CSGALNACT1: variants seen among roughly 807,000 people sequenced by gnomAD.
The protein encoded by CSGALNACT1 is chondroitin sulfate N-acetylgalactosaminyltransferase 1.
In CSGALNACT1, 52 loss-of-function variants were observed where a neutral mutation model predicts 51.0. That is an observed-to-expected ratio of 1.02 (90% CI 0.82 to 1.29). The LOEUF (loss-of-function observed/expected upper bound fraction) is 1.29, where lower values mean the gene tolerates loss of function less well. CSGALNACT1 is among the 50% of genes most tolerant of loss of function. The pLI is 0.00. For synonymous variants in CSGALNACT1, 341 were observed against 254.4 expected (o/e 1.34, Z -3.24); for missense variants, 935 against 679.2 (o/e 1.38, Z -4.19).
intron 1 of CSGALNACT1, among the ~76,000 whole-genome samples, chr8:19,612,946 GAA>G (rs1165754811): frequency 5.9e-3 from 91 of 15,378 alleles, no homozygotes; most frequent in Non-Finnish European, 0.01. Context: ...AAAGCAGCTG[GAA>G]AAAAAAAAAA....
intron 3 of CSGALNACT1, among the ~76,000 whole-genome samples, chr8:19,538,922 T>C (rs188732727): frequency 6.6e-6 from 1 of 152,190 alleles, no homozygotes; most frequent in East Asian, 1.9e-4. Context: ...CCGCTCATCC[T>C]GAGATGTTGT....
At chr8:19,531,043 G>A (rs755624332) in intron 3 of CSGALNACT1, among the ~76,000 whole-genome samples, 18 of 152,132 alleles carry the variant, frequency 1.2e-4, no homozygotes, top group African/African-American at 2.2e-4. Flanking sequence ...ATCTGAACCC[G>A]TGGTTTCTTG....
At chr8:19,548,051 C>T (rs1456582582) in intron 3 of CSGALNACT1, among the ~76,000 whole-genome samples, 1 of 152,158 alleles carries the variant, frequency 6.6e-6, no homozygotes, top group Admixed American at 6.5e-5. Context: ...GGTTGAAAGT[C>T]TGGAAATGTC....
At chr8:19,534,471 A>G (rs956229945) in intron 3 of CSGALNACT1, among the ~76,000 whole-genome samples, 2 of 152,108 alleles carry the variant, frequency 1.3e-5, no homozygotes, top group South Asian at 2.1e-4. Flanking sequence ...AAATCTGTGT[A>G]AGAGTACTTA....
intron 3 of CSGALNACT1, among the ~76,000 whole-genome samples, chr8:19,571,480 A>AAAAC (rs2043019793): frequency 6.6e-6 from 1 of 152,074 alleles, no homozygotes; most frequent in African/African-American, 2.4e-5. Flanking sequence ...AAACAAAAAA[A>AAAAC]AAAAACAGAA....
chr8:19,486,970 T>C (rs986811111), intron 4 of CSGALNACT1, among the ~76,000 whole-genome samples: 2 of 152,218 alleles, frequency 1.3e-5, no homozygotes, highest in South Asian at 4.1e-4. Context: ...TGTCAATGGA[T>C]AGCAGGATTT....
At chr8:19,462,042 G>A (rs1011114506) in intron 4 of CSGALNACT1, among the ~76,000 whole-genome samples, 1 of 152,234 alleles carries the variant, frequency 6.6e-6, no homozygotes, top group Admixed American at 6.5e-5. Context: ...TCGCCGTGGA[G>A]GGTGTATCTG....
At chr8:19,689,599 T>G (rs889722379) in intron 1 of CSGALNACT1, among the ~76,000 whole-genome samples, 1 of 152,210 alleles carries the variant, frequency 6.6e-6, no homozygotes, top group Non-Finnish European at 1.5e-5. Flanking sequence ...ATGAGAAAGA[T>G]GCTGAGAATT....
intron 1 of CSGALNACT1, among the ~76,000 whole-genome samples, chr8:19,661,032 C>T (rs577824777): frequency 2.6e-4 from 40 of 152,278 alleles, no homozygotes; most frequent in African/African-American, 8.9e-4. Context: ...CCTGCTTCAC[C>T]CTCCCAAGTA....
At chr8:19,692,663 A>C in intron 1 of CSGALNACT1, among the ~76,000 whole-genome samples, 1 of 152,226 alleles carries the variant, frequency 6.6e-6, no homozygotes. Flanking sequence ...TTTTTAATAC[A>C]GAACTTTATT....
At chr8:19,647,466 T>A (rs899689408) in intron 1 of CSGALNACT1, among the ~76,000 whole-genome samples, 2 of 152,218 alleles carry the variant, frequency 1.3e-5, no homozygotes, top group African/African-American at 4.8e-5. Flanking sequence ...TGTTTATCTG[T>A]ATCTTGGCAT....
At chr8:19,491,144 T>C (rs1471058883) in intron 4 of CSGALNACT1, among the ~76,000 whole-genome samples, 3 of 152,170 alleles carry the variant, frequency 2.0e-5, no homozygotes, top group African/African-American at 4.8e-5. Context: ...CTTTTTTCTT[T>C]ACATAGCTAG....
chr8:19,479,675 C>A (rs1231298210), intron 4 of CSGALNACT1, among the ~76,000 whole-genome samples: 2 of 151,864 alleles, frequency 1.3e-5, no homozygotes, highest in African/African-American at 4.8e-5. Flanking sequence ...CACAGAAAGC[C>A]CCGACTGTTA....
intron 5 of CSGALNACT1, among the ~76,000 whole-genome samples, chr8:19,454,715 A>T (rs1274931485): frequency 6.6e-6 from 1 of 152,156 alleles, no homozygotes; most frequent in African/African-American, 2.4e-5. Context: ...AAGATGAGAC[A>T]CAGAAGGCAG....
chr8:19,696,777 C>T (rs770086589), intron 1 of CSGALNACT1, among the ~76,000 whole-genome samples: 4 of 152,138 alleles, frequency 2.6e-5, no homozygotes, highest in African/African-American at 7.2e-5. Flanking sequence ...GAATGGGGGT[C>T]GGTACACAGG....
chr8:19,727,750 C>T (rs1256147908), intron 1 of CSGALNACT1, among the ~76,000 whole-genome samples: 2 of 152,084 alleles, frequency 1.3e-5, no homozygotes, highest in Non-Finnish European at 1.5e-5. Context: ...GGCTGGGTGA[C>T]ATTTCCCATC....
At chr8:19,683,502 G>A (rs567148955), upstream of CSGALNACT1, among the ~76,000 whole-genome samples, 88 of 152,288 alleles carry the variant, frequency 5.8e-4, no homozygotes, top group African/African-American at 2.1e-3. Context: ...ATGGCAGCCA[G>A]TTAGAAAAGA....
intron 3 of CSGALNACT1, among the ~76,000 whole-genome samples, chr8:19,579,065 A>G (rs112854692): frequency 0.024 from 3,697 of 152,288 alleles, 156 homozygotes; most frequent in African/African-American, 0.083. Flanking sequence ...CATTTATGTA[A>G]AAATGAACTT....
At position 19,513,436 on chromosome 8, in the gene CSGALNACT1, C is replaced by CTATATATATATATATATATA. The variant is rs1554650175; in HGVS notation, c.-296-7326_-296-7307dup. 2.1e-3 allele frequency among the ~76,000 whole-genome samples: 176 copies of CTATATATATATATATATATA among 81,896 alleles called. 1 individual carries two copies. Among genetic ancestry groups the CTATATATATATATATATATA allele is most frequent in the Non-Finnish European group, 2.8e-3 (110 of 38,950 alleles). The allele number at this position is 81,896 out of a possible 152,430, so 53.7% of individuals were successfully genotyped here. On this transcript the variant is annotated intron_variant, in intron 3 of 9. Transcript: ENST00000454498. Reference sequence around the variant, plus strand: ...TCTCACTCTCTCTCTCTCTCTCTCTCTATATATATATATATATATATATAT... The same window carrying CTATATATATATATATATATA: ...TCTCACTCTCTCTCTCTCTCTCTCTCTATATATATATATATATATATATATATATATATATATATATATAT...
Sources: gnomAD v4.1 joint callset for allele counts (sites outside exome capture counted in the v4.1 genomes callset) on GRCh38, gnomAD v4.1.1 for gene constraint, MANE v1.5 for transcripts, NCBI Gene and HGNC (gene_info 2026-07-23, HGNC 2026-07-21) for gene names.